The following AIRE variants were observed in gnomAD, a reference collection of about 807,000 sequenced individuals.
AIRE encodes the protein autoimmune regulator, also known as autoimmune polyendocrinopathy candidiasis ectodermal dystrophy protein.
AIRE carries 52 observed loss-of-function variants against 62.1 expected under a neutral mutation model. The observed-to-expected ratio is 0.84, with a 90% CI of 0.67 to 1.06. The LOEUF is 1.06. AIRE is among the 50% of genes least tolerant of loss of function. The probability of loss-of-function intolerance (pLI) is 0.00; values close to 1 mark genes in which losing one functional copy is unlikely to be tolerated. For missense variants in AIRE, 774 were observed against 755.8 expected (o/e 1.02, Z -0.28); for synonymous variants, 342 against 321.6 (o/e 1.06, Z -0.68).
At chr21:44,293,318 G>A (rs1451712279) in intron 10 of AIRE, 143 bp downstream of exon 10, 11 of 738,368 alleles carry the variant, frequency 1.5e-5, no homozygotes, top group Admixed American at 6.0e-5. Context: ...TGGGGGGAGC[G>A]TGGGGGGCTG....
In AIRE at chr21:44,289,753, G is replaced by A; in HGVS notation, c.749G>A (p.Ser250Asn). The change falls in exon 6 of 14, where the codon AGT becomes AAT. Residue 250 changes from serine to asparagine, a missense_variant. Around this residue, in one of 3 missense-constraint regions of AIRE, gnomAD observed 385 missense variants for 396.0 expected, o/e 0.97. Transcript: ENST00000291582. ...GGGAAGAACAAGGCCCGCAGCAGCA[G>A]TGGCCCGAAGCCTCTGGTTCGAGCC... ...GSGKNKARSS[S>N]GPKPLVRAKG... 1 of 1,612,818 alleles carries A rather than the reference G, an allele frequency of 6.2e-7. No individual in the cohort carries two copies.
chr21:44,288,545 G>C (rs992752920), intron 5 of AIRE, 87 bp downstream of exon 5: 2 of 981,778 alleles, frequency 2.0e-6, no homozygotes, highest in African/African-American at 3.2e-5. Context: ...CATCCTGGTG[G>C]TCCCACAGCA....
intron 10 of AIRE, 147 bp from the exon 11 acceptor site, chr21:44,293,642 T>C (rs919714525): frequency 3.0e-6 from 4 of 1,348,888 alleles, no homozygotes; most frequent in Middle Eastern, 5.1e-4. Context: ...TCCTGCAGCC[T>C]GCGTGGCACC....
In AIRE at chr21:44,294,425, C is replaced by T; in HGVS notation, c.1425C>T (p.Cys475=). 6.3e-7 allele frequency: 1 copy of T among 1,578,848 alleles called. No individual in the cohort carries two copies. ...RPGTGLRCRS[C]SGDVTPAPVE... Reference sequence around the variant, plus strand: ...GGACGGGCCTGCGCTGCAGATCCTGCTCAGGAGACGTGACCCCAGCCCCTG... The same window carrying T: ...GGACGGGCCTGCGCTGCAGATCCTGTTCAGGAGACGTGACCCCAGCCCCTG... Residue 475 remains cysteine (C), a synonymous_variant, in exon 12 of 14, where the codon TGC becomes TGT. Transcript: ENST00000291582.
chr21:44,295,994 T>C (rs914538449), intron 12 of AIRE, among the ~76,000 whole-genome samples: 2 of 152,102 alleles, frequency 1.3e-5, no homozygotes, highest in South Asian at 4.1e-4. Flanking sequence ...CTCTGGTCGC[T>C]CACCTATAGT....
rs376909088 is a variant in AIRE, at chr21:44,294,483, C to T, written c.1483C>T (p.Leu495=). 1.4e-4 allele frequency: 215 copies of T among 1,529,774 alleles called. No individual in the cohort carries two copies. In the East Asian group the frequency reaches 4.0e-3, roughly 28 times the overall value. The allele number at this position is 1,529,774 out of a possible 1,614,324, so 94.8% of individuals were successfully genotyped here. Residue 495 remains leucine, a synonymous_variant, in exon 12 of 14, where the codon CTG becomes TTG. Coordinates refer to ENST00000291582, the MANE Select transcript of AIRE (RefSeq NM_000383.4). ...EGVLAPSPAR[L]APGPAKDDTA... ...GGTGCTGGCCCCCAGCCCCGCCCGC[C>T]TGGCCCCTGGGCCTGCCAAGGTCAG...
chr21:44,287,545 G>A lies in AIRE; in HGVS notation c.492G>A (p.Lys164=), dbSNP rs1020302451. 1 of 1,558,968 alleles carries A rather than the reference G, an allele frequency of 6.4e-7. No homozygotes were observed. Among genetic ancestry groups the A allele is most frequent in the Non-Finnish European group, 8.7e-7 (1 of 1,151,520 alleles). ...PGSQLKAKPP[K]KPESSAEQQR... ...CTCAACTGAAGGCCAAGCCCCCCAA[G>A]AAGCCGGAGAGCAGCGCAGAGCAGC... The change falls in exon 4 of 14, where the codon AAG becomes AAA. Residue 164 remains lysine, a synonymous_variant. Coordinates refer to ENST00000291582, the MANE Select transcript of AIRE (RefSeq NM_000383.4). This position sits in a 1 kb window ranked among gnomAD's most constrained non-coding sequence, Gnocchi z 4.3.
chr21:44,298,648 A>T lies in AIRE; in HGVS notation c.*921A>T, dbSNP rs1384816800. The T allele has an allele frequency of 1.3e-5, 2 of 152,152 alleles. No homozygotes were observed. Among genetic ancestry groups the T allele is most frequent in the Non-Finnish European group, 2.9e-5 (2 of 68,038 alleles). 9.4% of individuals were successfully genotyped at this position (152,152 alleles called of 1,614,324 possible). A position where few individuals can be genotyped will look rare whatever the true frequency, so the allele number is the denominator to read the frequency against. ...AGTAAAATCGCTGGATCACATGGTA[A>T]TTATATTTTTAATTTTTTGAAGAAC... On this transcript the variant is annotated 3_prime_UTR_variant, in exon 14 of 14. Transcript: ENST00000291582.
chr21:44,286,160 C>CCCAG lies in AIRE; in HGVS notation c.132+22_132+23insCCAG. ...TCAGGTGGGCTCCCCGCCCGCCCCCCGCTGCCCCCAGGCCCTGTGAGCCAG... is the reference window on the plus strand; with the variant it reads ...TCAGGTGGGCTCCCCGCCCGCCCCCCCCAGGCTGCCCCCAGGCCCTGTGAGCCAG... On this transcript the variant is annotated intron_variant, in intron 1 of 13. Transcript: ENST00000291582. This position sits in a 1 kb window ranked among gnomAD's most constrained non-coding sequence, Gnocchi z 6.0. The CCCAG allele has an allele frequency of 2.7e-6, 4 of 1,482,644 alleles. No homozygotes were observed. Among genetic ancestry groups the CCCAG allele is most frequent in the Non-Finnish European group, 3.6e-6 (4 of 1,097,850 alleles). The allele number at this position is 1,482,644 out of a possible 1,614,324, so 91.8% of individuals were successfully genotyped here.
At chr21:44,296,051 C>T (rs1601971883) in intron 12 of AIRE, among the ~76,000 whole-genome samples, 2 of 152,288 alleles carry the variant, frequency 1.3e-5, no homozygotes, top group East Asian at 3.9e-4. Context: ...GTGGCATGGA[C>T]CAGGCACTTT....
In AIRE at chr21:44,291,220, C is replaced by A. The variant is rs1486209768; in HGVS notation, c.995+10C>A. ...TCCGGGAGATCCCCAGGTGAGCCTG[C>A]ACCTCTGCCAGCGCAACCAGGCCAC... On this transcript the variant is annotated intron_variant, in intron 8 of 13. Coordinates refer to ENST00000291582, the MANE Select transcript of AIRE (RefSeq NM_000383.4). The A allele has an allele frequency of 1.3e-6, 2 of 1,598,726 alleles. No individual in the cohort carries two copies. The highest frequency in any genetic ancestry group is 1.3e-5 in the African/African-American group (1 of 74,958).
intron 6 of AIRE, 32 bp downstream of exon 6, chr21:44,289,834 C>T: frequency 2.5e-6 from 4 of 1,611,858 alleles, no homozygotes; most frequent in South Asian, 1.1e-5. Context: ...GGGAGCCTGG[C>T]TCTTGATGCC....
At chr21:44,290,966 G>A in intron 7 of AIRE, 129 bp from the exon 8 acceptor site, 1 of 1,612,950 alleles carries the variant, frequency 6.2e-7, no homozygotes, top group Non-Finnish European at 8.5e-7. Flanking sequence ...CAGCATGGGA[G>A]CAGGGCAGAG....
In AIRE at chr21:44,287,712, G is replaced by A. The variant is rs879927997; in HGVS notation, c.538+121G>A. 1.2e-5 allele frequency: 13 copies of A among 1,086,742 alleles called. No individual in the cohort carries two copies. Among genetic ancestry groups the A allele is most frequent in the Non-Finnish European group, 1.8e-5 (13 of 735,506 alleles). 67.3% of individuals were successfully genotyped at this position (1,086,742 alleles called of 1,614,324 possible). Reference sequence around the variant, plus strand: ...GGGGCTGGGGACGTGCTGGCCTGGTGTGTCATTCCAAGGGCCTAAGCTGCA... The same window carrying A: ...GGGGCTGGGGACGTGCTGGCCTGGTATGTCATTCCAAGGGCCTAAGCTGCA... On this transcript the variant is annotated intron_variant, in intron 4 of 13. Transcript: ENST00000291582. This position sits in a 1 kb window ranked among gnomAD's most constrained non-coding sequence, Gnocchi z 4.3.
At chr21:44,292,730 C>T (rs538076261) in intron 9 of AIRE, among the ~76,000 whole-genome samples, 1 of 152,258 alleles carries the variant, frequency 6.6e-6, no homozygotes, top group Admixed American at 6.5e-5. Flanking sequence ...TGCACAGACC[C>T]AGTGTTCCCT....
chr21:44,297,720 C>T lies in AIRE; in HGVS notation c.1631C>T (p.Pro544Leu). Residue 544 changes from proline to leucine, a missense_variant, in exon 14 of 14, where the codon CCC becomes CTC. This residue lies in a region of AIRE where 354 missense variants were observed against 296.1 expected (regional missense o/e 1.20). Transcript: ENST00000291582. The surrounding 1 kb of genome is among the most constrained non-coding windows in gnomAD (Gnocchi z 4.8). ...QSMARPAAPFPS is the reference protein window; with the variant it reads ...QSMARPAAPFLS The stretch of plus-strand genomic sequence containing the variant: ...ATGGCCCGTCCGGCGGCCCCCTTCC[C>T]CTCCTGACCCCAGATGGCCGGGACA... 2.5e-6 allele frequency: 4 copies of T among 1,611,024 alleles called. No homozygotes were observed. The highest frequency in any genetic ancestry group is 2.5e-6 in the Non-Finnish European group (3 of 1,178,532).
At chr21:44,293,364 G>C (rs887014988) in intron 10 of AIRE, among the ~76,000 whole-genome samples, 189 bp downstream of exon 10, 6 of 152,030 alleles carry the variant, frequency 3.9e-5, no homozygotes, top group Admixed American at 6.5e-5. Context: ...CTCCACTCCA[G>C]CTCCTGGCCC....
rs979027209 is a variant in AIRE at position 44,285,884 on chromosome 21, G to A, written c.-123G>A. ...CGCGTGGCTCGCAGACCGGGGAGAC[G>A]GGCGGGCGCACAGCCGGCGCGGAGG... On this transcript the variant is annotated 5_prime_UTR_variant, in exon 1 of 14. Transcript: ENST00000291582. The A allele has an allele frequency of 1.4e-5, 14 of 994,354 alleles. No individual in the cohort carries two copies. In the African/African-American group the frequency reaches 2.3e-4, roughly 16 times the overall value. 61.6% of individuals were successfully genotyped at this position (994,354 alleles called of 1,614,324 possible).
In AIRE at chr21:44,286,564, T is replaced by C; in HGVS notation, c.140T>C (p.Leu47Pro). The C allele has an allele frequency of 6.2e-7, 1 of 1,610,544 alleles. No individual in the cohort carries two copies. Residue 47 changes from leucine (L) to proline (P), a missense_variant, in exon 2 of 14, where the codon CTT (leucine) becomes CCT (proline). Leu to Pro is a moderately conservative substitution (Grantham distance 98). Around this residue, in one of 3 missense-constraint regions of AIRE, gnomAD observed 385 missense variants for 396.0 expected, o/e 0.97. Transcript: ENST00000291582. This position sits in a 1 kb window ranked among gnomAD's most constrained non-coding sequence, Gnocchi z 6.0. ...VVPEDKFQET[L>P]HLKEKEGCPQ... is the part of the protein sequence containing the mutation. ...CATGCCACCCCACTGCAGGAGACGC[T>C]TCATCTGAAGGAAAAGGAGGGCTGC... is the stretch of plus-strand genomic sequence containing the variant.
Sources: allele counts gnomAD v4.1 joint callset (sites outside exome capture counted in the v4.1 genomes callset), GRCh38; gene constraint gnomAD v4.1.1; regional missense constraint gnomAD v4.1.1; non-coding constraint Gnocchi (gnomAD v3.1); transcripts MANE v1.5; gene names NCBI Gene and HGNC (gene_info 2026-07-23, HGNC 2026-07-21).